The following ACTR10 variants were observed in gnomAD, a reference collection of about 807,000 sequenced individuals.
The protein encoded by ACTR10 is actin-related protein 10.
A neutral mutation model predicts 56.2 loss-of-function variants in ACTR10; 43 were observed. The ratio of observed to expected loss-of-function variants is 0.77; its 90% confidence interval spans 0.60 to 0.99. The LOEUF is 0.99. ACTR10 is among the 50% of genes least tolerant of loss of function. The probability of loss-of-function intolerance (pLI) is 0.00; values close to 1 mark genes in which losing one functional copy is unlikely to be tolerated. For synonymous variants in ACTR10, 170 were observed against 176.3 expected (o/e 0.96, Z 0.28); for missense variants, 466 against 507.8 (o/e 0.92, Z 0.79).
intron 2 of ACTR10, among the ~76,000 whole-genome samples, chr14:58,203,915 T>TA (rs1566621593): frequency 6.6e-6 from 1 of 152,176 alleles, no homozygotes; most frequent in South Asian, 2.1e-4. Context: ...GGTACATTTT[T>TA]AAAAAACAAA....
intron 1 of ACTR10, among the ~76,000 whole-genome samples, chr14:58,200,711 G>A (rs1888684493): frequency 6.6e-6 from 1 of 152,218 alleles, no homozygotes. Context: ...TTATTTTGGT[G>A]CTGAAAATGG....
At chr14:58,210,643 C>T (rs1888969823) in intron 4 of ACTR10, among the ~76,000 whole-genome samples, 2 of 151,334 alleles carry the variant, frequency 1.3e-5, no homozygotes, top group Non-Finnish European at 2.9e-5. Context: ...TTAACATCTT[C>T]CTCTATATTT....
chr14:58,223,814 C>T lies in ACTR10; in HGVS notation c.746C>T (p.Pro249Leu). 1.9e-6 allele frequency: 3 copies of T among 1,613,004 alleles called. No individual in the cohort carries two copies. Among genetic ancestry groups the T allele is most frequent in the Non-Finnish European group, 1.7e-6 (2 of 1,179,334 alleles). Residue 249 changes from proline (P) to leucine (L), a missense_variant, in exon 10 of 13, where the codon CCA becomes CTA. Pro to Leu is a moderately conservative substitution (Grantham distance 98). Coordinates refer to ENST00000254286, the MANE Select transcript of ACTR10 (RefSeq NM_018477.3). ...RPSPPPNVDY[P>L]LDGEKILHIL... ...TCCCCACCCCCAAATGTTGACTATC[C>T]ATTAGATGGAGAGAAGATTTTACAT... is the stretch of plus-strand genomic sequence containing the variant.
At chr14:58,213,529 G>T in intron 5 of ACTR10, 102 bp from the exon 6 acceptor site, 1 of 579,864 alleles carries the variant, frequency 1.7e-6, no homozygotes, top group Non-Finnish European at 2.7e-6. Context: ...ATAAAAATTT[G>T]TCACTAAAGC....
chr14:58,208,347 A>G (rs998989433), intron 3 of ACTR10, among the ~76,000 whole-genome samples: 1 of 152,136 alleles, frequency 6.6e-6, no homozygotes, highest in African/African-American at 2.4e-5. Context: ...GGATATATTG[A>G]TAAGTGAAAT....
intron 10 of ACTR10, among the ~76,000 whole-genome samples, chr14:58,226,717 C>T (rs1889411939): frequency 6.6e-6 from 1 of 152,102 alleles, no homozygotes; most frequent in African/African-American, 2.4e-5. Context: ...TCTCCTGCCT[C>T]AGCCTCCCAA....
Position 58,220,496 on chromosome 14 carries a change from T to C in ACTR10, c.634+767T>C, listed in dbSNP as rs1246540866. 2.6e-5 allele frequency among the ~76,000 whole-genome samples: 4 copies of C among 152,232 alleles called. No individual in the cohort carries two copies. The East Asian group carries it at 7.7e-4, about 29-fold the overall frequency. The stretch of plus-strand genomic sequence containing the variant: ...TAAATTCTTTTCAATTGTTATAAAA[T>C]TTCAATCATTTGTAATGCTTATTAC... On this transcript the variant is annotated intron_variant, in intron 8 of 12. Coordinates refer to ENST00000254286, the MANE Select transcript of ACTR10 (RefSeq NM_018477.3).
intron 2 of ACTR10, among the ~76,000 whole-genome samples, chr14:58,204,526 G>A: frequency 6.6e-6 from 1 of 152,184 alleles, no homozygotes; most frequent in East Asian, 1.9e-4. Flanking sequence ...ATTCCACCAT[G>A]GGCGACAGAG....
intron 8 of ACTR10, among the ~76,000 whole-genome samples, chr14:58,220,385 CA>C (rs1166707304): frequency 4.2e-4 from 64 of 152,062 alleles, no homozygotes; most frequent in Non-Finnish European, 3.1e-4. Context: ...CAGTGTCACA[CA>C]AGTAGGTAGG....
At chr14:58,205,087 G>A (rs766539463) in intron 2 of ACTR10, among the ~76,000 whole-genome samples, 8 of 151,834 alleles carry the variant, frequency 5.3e-5, no homozygotes, top group Non-Finnish European at 1.0e-4. Context: ...GGGCATGGTG[G>A]CACATGCCTG....
At chr14:58,227,072 G>A (rs922411295) in intron 10 of ACTR10, among the ~76,000 whole-genome samples, 5 of 151,864 alleles carry the variant, frequency 3.3e-5, no homozygotes, top group Admixed American at 2.6e-4. Context: ...GTGTATTTAT[G>A]TTTTTCCAAG....
chr14:58,228,682 T>A (rs1157323084), intron 10 of ACTR10, among the ~76,000 whole-genome samples: 1 of 9,230 alleles, frequency 1.1e-4, no homozygotes, highest in African/African-American at 6.1e-4. Flanking sequence ...CAAGACAGAC[T>A]TTTTTTTTTT....
chr14:58,212,002 T>G (rs551033303), intron 5 of ACTR10, among the ~76,000 whole-genome samples: 2 of 151,950 alleles, frequency 1.3e-5, no homozygotes, highest in East Asian at 3.9e-4. Flanking sequence ...CTCCAGAGGC[T>G]TTCGTGAAGG....
chr14:58,223,723 G>A (rs543481336), intron 9 of ACTR10, 22 bp downstream of exon 9: 11 of 1,580,386 alleles, frequency 7.0e-6, no homozygotes, highest in South Asian at 2.3e-5. Flanking sequence ...AAAAAAAAAG[G>A]CATCTTTTTG....
chr14:58,225,551 CT>C (rs574572544), intron 10 of ACTR10, among the ~76,000 whole-genome samples: 67 of 152,050 alleles, frequency 4.4e-4, no homozygotes, highest in Admixed American at 3.3e-3. Context: ...GAATGTAGTA[CT>C]TTTTGCTAGC....
At chr14:58,232,328 T>C in intron 12 of ACTR10, 61 bp downstream of exon 12, 1 of 1,246,746 alleles carries the variant, frequency 8.0e-7, no homozygotes. Context: ...AATGACACTA[T>C]TAATGGATAT....
At chr14:58,200,349 GC>G in intron 1 of ACTR10, 55 bp downstream of exon 1, 2 of 1,411,476 alleles carry the variant, frequency 1.4e-6, no homozygotes, top group Non-Finnish European at 1.9e-6. Context: ...GGGTGGCAGA[GC>G]CCCAGGCACT....
Position 58,227,735 on chromosome 14 carries a change from T to G in ACTR10, c.789-2664T>G, listed in dbSNP as rs190704294. 1.4e-4 allele frequency among the ~76,000 whole-genome samples: 21 copies of G among 152,320 alleles called. No individual in the cohort carries two copies. In the East Asian group the frequency reaches 2.9e-3, roughly 21 times the overall value. On this transcript the variant is annotated intron_variant, in intron 10 of 12. Coordinates refer to ENST00000254286, the MANE Select transcript of ACTR10 (RefSeq NM_018477.3). ...AAGTGGAAAAAATTAGCTAGTAGAT[T>G]GAGTCTCATGAAGAGGATTTTATGT...
chr14:58,209,461 A>G (rs992835140), intron 4 of ACTR10, among the ~76,000 whole-genome samples: 1 of 152,126 alleles, frequency 6.6e-6, no homozygotes, highest in East Asian at 1.9e-4. Flanking sequence ...ATTCAGAATT[A>G]AAAGGTATAT....
Sources: allele counts gnomAD v4.1 joint callset (sites outside exome capture counted in the v4.1 genomes callset), GRCh38; gene constraint gnomAD v4.1.1; transcripts MANE v1.5; gene names NCBI Gene and HGNC (gene_info 2026-07-23, HGNC 2026-07-21).